GCN1: variants seen among roughly 807,000 people sequenced by gnomAD.
GCN1 encodes the protein stalled ribosome sensor GCN1.
Under a neutral mutation model 288.4 loss-of-function variants are expected in GCN1, and 90 were observed. That is an observed-to-expected ratio of 0.31 (90% CI 0.26 to 0.37). GCN1 has a LOEUF of 0.37. GCN1 is among the 10% of genes least tolerant of loss of function. The pLI, the probability that GCN1 is intolerant of heterozygous loss-of-function variation, is 1.00. For missense variants in GCN1, 2,586 were observed against 3,419.9 expected (o/e 0.76, Z 6.08); for synonymous variants, 1,386 against 1,420.2 (o/e 0.98, Z 0.54).
intron 22 of GCN1, 43 bp downstream of exon 22, chr12:120,161,447 C>T (rs1457834721): frequency 7.3e-7 from 1 of 1,370,860 alleles, no homozygotes; most frequent in Non-Finnish European, 1.0e-6. Flanking sequence ...TTGAGGCCAC[C>T]AAGCTCAGCA....
intron 22 of GCN1, 138 bp from the exon 23 acceptor site, chr12:120,160,393 G>A (rs897530136): frequency 1.6e-6 from 1 of 637,662 alleles, no homozygotes. Context: ...AACCCACCAT[G>A]TGCACCCCCA....
rs750157042 is a variant in GCN1, at chr12:120,130,688, G to A, written c.7629C>T (p.Gly2543=). Residue 2543 remains glycine, a synonymous_variant, in exon 56 of 58, where the codon GGC becomes GGT. Coordinates refer to ENST00000300648, the MANE Select transcript of GCN1 (RefSeq NM_006836.2). ...GFLMRHHIET[G]GGQLPAKLSS... is the part of the protein sequence containing the mutation. ...AAAGTTTGGCCGGCAACTGCCCTCC[G>A]CCTGTCTCGATGTGGTGTCTCATGA... 12 of 1,613,840 alleles carry A rather than the reference G, an allele frequency of 7.4e-6. No homozygotes were observed. In the East Asian group the frequency reaches 1.1e-4, roughly 15 times the overall value.
intron 36 of GCN1, 36 bp from the exon 37 acceptor site, chr12:120,148,382 C>G: frequency 6.3e-7 from 1 of 1,575,250 alleles, no homozygotes; most frequent in Non-Finnish European, 8.7e-7. Flanking sequence ...TACTGAATCA[C>G]TGAGCAAAGG....
At chr12:120,139,665 C>A (rs1877127537) in intron 45 of GCN1, among the ~76,000 whole-genome samples, 1 of 152,104 alleles carries the variant, frequency 6.6e-6, no homozygotes, top group South Asian at 2.1e-4. Context: ...GATGCACCCC[C>A]ATGTATCCTT....
Position 120,157,930 on chromosome 12 carries a change from C to T in GCN1, c.3006G>A (p.Trp1002Ter). The change falls in exon 26 of 58, where the codon TGG (tryptophan) becomes TGA (stop). Residue 1002 changes from tryptophan to a stop codon, truncating the protein, a stop_gained. Coordinates refer to ENST00000300648, the MANE Select transcript of GCN1 (RefSeq NM_006836.2). LOFTEE classifies it high-confidence loss of function. ...TGAGGATCTGAAGAATCTGGGCCAT[C>T]CACTCCTCCTCCTCCTCACTGTGGT... ...MPHHSEEEEE[W>*]MAQILQILTV... 1 of 1,614,060 alleles carries T rather than the reference C, an allele frequency of 6.2e-7. No individual in the cohort carries two copies. Among genetic ancestry groups the T allele is most frequent in the Non-Finnish European group, 8.5e-7 (1 of 1,180,030 alleles).
intron 18 of GCN1, 134 bp from the exon 19 acceptor site, chr12:120,163,393 G>T: frequency 1.5e-6 from 1 of 674,588 alleles, no homozygotes. Context: ...AGAAATGGAT[G>T]CCCAGCTTCC....
intron 16 of GCN1, among the ~76,000 whole-genome samples, chr12:120,165,002 TACACACACAC>T (rs55710290): frequency 3.1e-4 from 42 of 136,894 alleles, no homozygotes; most frequent in East Asian, 1.7e-3. Context: ...TACACATATA[TACACACACAC>T]ACACACACAC....
chr12:120,170,470 C>T (rs1286207711), intron 14 of GCN1, 149 bp from the exon 15 acceptor site: 1 of 703,718 alleles, frequency 1.4e-6, no homozygotes, highest in Non-Finnish European at 2.4e-6. Context: ...GAAGTGAAAT[C>T]AAAACTTAAA....
In GCN1 at chr12:120,144,401, C is replaced by G; in HGVS notation, c.5400G>C (p.Ala1800=). 6.2e-7 allele frequency: 1 copy of G among 1,614,232 alleles called. No homozygotes were observed. The highest frequency in any genetic ancestry group is 8.5e-7 in the Non-Finnish European group (1 of 1,180,018). ...CGTACATGGAGATAACCCGCTGGCCCGCGCGCAGGGCGGTGTCACGCACAA... is the reference window on the plus strand; with the variant it reads ...CGTACATGGAGATAACCCGCTGGCCGGCGCGCAGGGCGGTGTCACGCACAA... The part of the protein sequence containing the change: ...NEFVRDTALR[A]GQRVISMYAE... The change falls in exon 42 of 58, where the codon GCG becomes GCC. Residue 1800 remains alanine (A), a synonymous_variant. Transcript: ENST00000300648. This position sits in a 1 kb window ranked among gnomAD's most constrained non-coding sequence, Gnocchi z 4.7.
At chr12:120,157,189 A>C in intron 26 of GCN1, 197 bp from the exon 27 acceptor site, 1 of 503,020 alleles carries the variant, frequency 2.0e-6, no homozygotes, top group Non-Finnish European at 3.5e-6. Flanking sequence ...AGGAACTAAA[A>C]ACTAAATTCT....
At chr12:120,157,048 G>C in intron 26 of GCN1, 56 bp from the exon 27 acceptor site, 1 of 1,169,014 alleles carries the variant, frequency 8.6e-7, no homozygotes, top group Non-Finnish European at 1.3e-6. Context: ...CTGTAACCCA[G>C]GCGGCCAACG....
At chr12:120,145,864 T>C (rs1483600301) in intron 38 of GCN1, among the ~76,000 whole-genome samples, 1 of 152,226 alleles carries the variant, frequency 6.6e-6, no homozygotes, top group Non-Finnish European at 1.5e-5. Context: ...GTATATAAAC[T>C]TGTTGAGATA....
intron 2 of GCN1, among the ~76,000 whole-genome samples, chr12:120,185,435 A>G (rs1878790135): frequency 6.6e-6 from 1 of 152,192 alleles, no homozygotes. Context: ...ATACATGTAG[A>G]GTGCAGGGTT....
rs761695002 is a variant in GCN1 at position 120,144,403 on chromosome 12, C to T, written c.5398G>A (p.Ala1800Thr). 1.4e-5 allele frequency: 22 copies of T among 1,614,028 alleles called. No individual in the cohort carries two copies. The East Asian group carries it at 2.7e-4, about 20-fold the overall frequency. Reference sequence around the variant, plus strand: ...TACATGGAGATAACCCGCTGGCCCGCGCGCAGGGCGGTGTCACGCACAAAC... The same window carrying T: ...TACATGGAGATAACCCGCTGGCCCGTGCGCAGGGCGGTGTCACGCACAAAC... ...NEFVRDTALR[A>T]GQRVISMYAE... is the part of the protein sequence containing the mutation. Residue 1800 changes from alanine (A) to threonine (T), a missense_variant, in exon 42 of 58, where the codon GCG becomes ACG. Ala to Thr is a moderately conservative substitution (Grantham distance 58, BLOSUM62 0). Coordinates refer to ENST00000300648, the MANE Select transcript of GCN1 (RefSeq NM_006836.2). The surrounding 1 kb of genome is among the most constrained non-coding windows in gnomAD (Gnocchi z 4.7).
In GCN1 at chr12:120,163,230, A is replaced by G. The variant is rs575714085; in HGVS notation, c.1878T>C (p.Asp626=). 1.2e-6 allele frequency: 2 copies of G among 1,614,102 alleles called. No homozygotes were observed. The highest frequency in any genetic ancestry group is 2.2e-5 in the East Asian group (1 of 44,882). The change falls in exon 19 of 58, where the codon GAT becomes GAC. Residue 626 remains aspartate, a synonymous_variant. Coordinates refer to ENST00000300648, the MANE Select transcript of GCN1 (RefSeq NM_006836.2). ...KVLPLEALVT[D]AGEVTEAGKA... ...TGCCTGCCTCAGTCACCTCTCCAGC[A>G]TCAGTCACCAAAGCCTCTAAGGGCA... is the stretch of plus-strand genomic sequence containing the variant.
rs1229713921 is a variant in GCN1 at position 120,144,493 on chromosome 12, C to A, written c.5353-45G>T. The A allele has an allele frequency of 4.4e-6, 7 of 1,590,366 alleles. No individual in the cohort carries two copies. The highest frequency in any genetic ancestry group is 6.0e-6 in the Non-Finnish European group (7 of 1,167,310). On this transcript the variant is annotated intron_variant, in intron 41 of 57. Transcript: ENST00000300648. This position sits in a 1 kb window ranked among gnomAD's most constrained non-coding sequence, Gnocchi z 4.7. Reference sequence around the variant, plus strand: ...GTCAGCCAGAGCTGCCACCCCCAGGCCCCCAGCCCAAAAAACATGGGGCTC... The same window carrying A: ...GTCAGCCAGAGCTGCCACCCCCAGGACCCCAGCCCAAAAAACATGGGGCTC...
At chr12:120,152,637 G>GCGCACA (rs1305793619) in intron 33 of GCN1, among the ~76,000 whole-genome samples, 1 of 107,328 alleles carries the variant, frequency 9.3e-6, no homozygotes, top group African/African-American at 3.7e-5. Flanking sequence ...ACACACACGC[G>GCGCACA]CACACACACA....
chr12:120,155,520 C>A lies in GCN1; in HGVS notation c.3440+72G>T, dbSNP rs753302006. 1 of 1,602,846 alleles carries A rather than the reference C, an allele frequency of 6.2e-7. No individual in the cohort carries two copies. The highest frequency in any genetic ancestry group is 1.7e-5 in the Admixed American group (1 of 59,944). ...GCCCTTCTTCCCACTGGAGGCTGAG[C>A]ACACTGGGTTCAGTTATTTCCTAAA... is the stretch of plus-strand genomic sequence containing the variant. On this transcript the variant is annotated intron_variant, in intron 29 of 57. Transcript: ENST00000300648. This position sits in a 1 kb window ranked among gnomAD's most constrained non-coding sequence, Gnocchi z 4.9.
Position 120,161,865 on chromosome 12 carries a change from TA to T in GCN1, c.2342+14del, listed in dbSNP as rs762894194. 3.1e-6 allele frequency: 5 copies of T among 1,612,066 alleles called. No homozygotes were observed. In the African/African-American group the frequency reaches 6.7e-5, roughly 22 times the overall value. On this transcript the variant is annotated intron_variant, in intron 21 of 57. Transcript: ENST00000300648. Reference sequence around the variant, plus strand: ...TGGGGAGCAAAGGAAACTGAGCCCATAAGTGAGGTCTCACCTCTGAATGATG... The same window carrying T: ...TGGGGAGCAAAGGAAACTGAGCCCATAGTGAGGTCTCACCTCTGAATGATG...
Sources: allele counts gnomAD v4.1 joint callset (sites outside exome capture counted in the v4.1 genomes callset), GRCh38; gene constraint gnomAD v4.1.1; non-coding constraint Gnocchi (gnomAD v3.1); transcripts MANE v1.5; gene names NCBI Gene and HGNC (gene_info 2026-07-23, HGNC 2026-07-21).